The following FNDC3B variants were observed in gnomAD, a reference collection of about 807,000 sequenced individuals.
FNDC3B encodes the protein fibronectin type III domain containing 3B.
Under a neutral mutation model 151.5 loss-of-function variants are expected in FNDC3B, and 12 were observed. That is an observed-to-expected ratio of 0.08 (90% CI 0.05 to 0.13). The LOEUF (loss-of-function observed/expected upper bound fraction) is 0.13. Ranked by LOEUF, FNDC3B falls within the 10% of genes least tolerant of loss-of-function variation. The pLI is 1.00. For synonymous variants in FNDC3B, 528 were observed against 549.0 expected, an observed-to-expected ratio of 0.96 and a Z score of 0.54; for missense variants, 1,214 against 1,505.3, an observed-to-expected ratio of 0.81 and a Z score of 3.20.
Position 172,341,135 on chromosome 3 carries a change from C to T in FNDC3B, c.1875C>T (p.Tyr625=). 1.9e-6 allele frequency: 3 copies of T among 1,613,894 alleles called. No homozygotes were observed. Among genetic ancestry groups the T allele is most frequent in the Non-Finnish European group, 2.5e-6 (3 of 1,179,746 alleles). The part of the protein sequence containing the change: ...NSEANQWEVA[Y]SGSATEYTFT... Reference sequence around the variant, plus strand: ...CAGCGAATCAGTGGGAAGTGGCCTACAGTGGGTCGGCTACCGAATACACCT... The same window carrying T: ...CAGCGAATCAGTGGGAAGTGGCCTATAGTGGGTCGGCTACCGAATACACCT... The change falls in exon 17 of 26, where the codon TAC becomes TAT. Residue 625 remains tyrosine, a synonymous_variant. Transcript: ENST00000415807.
intron 1 of FNDC3B, among the ~76,000 whole-genome samples, chr3:172,063,652 C>G (rs1370700794): frequency 6.6e-6 from 1 of 152,112 alleles, no homozygotes; most frequent in Non-Finnish European, 1.5e-5. Flanking sequence ...CATTCAGATG[C>G]CATTATTTTA....
At chr3:172,082,328 T>C (rs1053072907) in intron 1 of FNDC3B, among the ~76,000 whole-genome samples, 6 of 152,222 alleles carry the variant, frequency 3.9e-5, no homozygotes, top group Non-Finnish European at 8.8e-5. Flanking sequence ...TATGGACAAA[T>C]AGTATTCCTT....
chr3:172,141,805 C>T (rs1030594774), intron 3 of FNDC3B, among the ~76,000 whole-genome samples: 5 of 152,018 alleles, frequency 3.3e-5, no homozygotes, highest in African/African-American at 9.7e-5. Flanking sequence ...GAGCTGAGAT[C>T]GTGCCATTGC....
chr3:172,269,849 G>A (rs1231832979), intron 6 of FNDC3B, among the ~76,000 whole-genome samples: 2 of 152,046 alleles, frequency 1.3e-5, no homozygotes, highest in African/African-American at 4.8e-5. Context: ...GGGTTTCACA[G>A]TGTTAGCCAG....
At chr3:172,271,151 G>A (rs1266185836) in intron 6 of FNDC3B, among the ~76,000 whole-genome samples, 1 of 152,190 alleles carries the variant, frequency 6.6e-6, no homozygotes. Flanking sequence ...TGGCAGTCTA[G>A]TATTATTTCC....
In FNDC3B at chr3:172,341,315, T is replaced by C; in HGVS notation, c.1971+84T>C. On this transcript the variant is annotated intron_variant, in intron 17 of 25. Coordinates refer to ENST00000415807, the MANE Select transcript of FNDC3B (RefSeq NM_022763.4). ...ATAACATCAGAAGCAAATTGCAGTTTAAACAATGTATCTTGGTAATGCAAC... is the reference window on the plus strand; with the variant it reads ...ATAACATCAGAAGCAAATTGCAGTTCAAACAATGTATCTTGGTAATGCAAC... 3.1e-6 allele frequency: 3 copies of C among 966,990 alleles called. No homozygotes were observed. The South Asian group carries it at 3.9e-5, about 12-fold the overall frequency. 59.9% of individuals were successfully genotyped at this position (966,990 alleles called of 1,614,324 possible).
chr3:172,286,126 G>A lies in FNDC3B; in HGVS notation c.849+142G>A, dbSNP rs537642201. 1,364 of 633,250 alleles carry A rather than the reference G, an allele frequency of 2.2e-3. 11 individuals carry two copies. Among genetic ancestry groups the A allele is most frequent in the Middle Eastern group, 0.016 (37 of 2,382 alleles). The allele number at this position is 633,250 out of a possible 1,614,324, so 39.2% of individuals were successfully genotyped here. On this transcript the variant is annotated intron_variant, in intron 7 of 25. Coordinates refer to ENST00000415807, the MANE Select transcript of FNDC3B (RefSeq NM_022763.4). ...ACTCATCAACTATGAAATAGTGTTC[G>A]GTTCAGTTATTAATGGACCATGAGA... is the stretch of plus-strand genomic sequence containing the variant.
At chr3:172,239,886 T>TG (rs1560034173) in intron 4 of FNDC3B, among the ~76,000 whole-genome samples, 1 of 108,342 alleles carries the variant, frequency 9.2e-6, no homozygotes, top group South Asian at 3.1e-4. Flanking sequence ...TTTTTTTTTT[T>TG]GGGATGGAGT....
At chr3:172,161,059 C>G (rs1722740129) in intron 3 of FNDC3B, among the ~76,000 whole-genome samples, 1 of 152,134 alleles carries the variant, frequency 6.6e-6, no homozygotes, top group Admixed American at 6.5e-5. Flanking sequence ...TTATTTTTGT[C>G]AGTGACTATT....
At chr3:172,302,461 T>C (rs970357472) in intron 9 of FNDC3B, 8 of 152,260 alleles carry the variant, frequency 5.3e-5, no homozygotes, top group South Asian at 2.1e-4. Flanking sequence ...TTGAGCCAGA[T>C]TCCACATGGA....
At chr3:172,072,127 T>G (rs1717810451) in intron 1 of FNDC3B, among the ~76,000 whole-genome samples, 1 of 149,304 alleles carries the variant, frequency 6.7e-6, no homozygotes, top group Non-Finnish European at 1.5e-5. Context: ...GTTGAAATTA[T>G]GGAAATACCC....
intron 6 of FNDC3B, among the ~76,000 whole-genome samples, chr3:172,253,225 A>G (rs4243401): frequency 0.12 from 18,811 of 152,294 alleles, 1,403 homozygotes; most frequent in East Asian, 0.31. Flanking sequence ...AAATGTAAGC[A>G]TTAAGGAGCC....
intron 25 of FNDC3B, among the ~76,000 whole-genome samples, chr3:172,385,555 C>T (rs1282461233): frequency 1.3e-5 from 2 of 150,340 alleles, no homozygotes; most frequent in African/African-American, 2.5e-5. Flanking sequence ...TCCCCCAAGA[C>T]CTTTTTTCTT....
At chr3:172,317,773 T>C (rs1392039478) in intron 11 of FNDC3B, among the ~76,000 whole-genome samples, 1 of 152,272 alleles carries the variant, frequency 6.6e-6, no homozygotes, top group Non-Finnish European at 1.5e-5. Context: ...ATAAGGAATA[T>C]GACATTCTTC....
At chr3:172,304,896 GA>G (rs1243755769) in intron 9 of FNDC3B, among the ~76,000 whole-genome samples, 953 of 85,536 alleles carry the variant, frequency 0.011, 6 homozygotes, top group South Asian at 0.034. Context: ...GACTTCATCT[GA>G]AAAAAAAAAA....
At chr3:172,115,416 A>G (rs949663972) in intron 2 of FNDC3B, among the ~76,000 whole-genome samples, 5 of 152,100 alleles carry the variant, frequency 3.3e-5, no homozygotes, top group Non-Finnish European at 7.4e-5. Context: ...AGGATCCCAG[A>G]GTGTGGGGCT....
At chr3:172,216,233 A>C (rs934654600) in intron 3 of FNDC3B, among the ~76,000 whole-genome samples, 25 of 152,160 alleles carry the variant, frequency 1.6e-4, no homozygotes, top group African/African-American at 5.8e-4. Context: ...ATTGAGTTGC[A>C]TTTGTATAAT....
At position 172,219,179 on chromosome 3, in the gene FNDC3B, A is replaced by C. The variant is rs116787547; in HGVS notation, c.188-7692A>C. ...ATTACTAACGTTTCCACAAGATAGTAATCTTTTTAAATCTTGTAAAATTTA... is the reference window on the plus strand; with the variant it reads ...ATTACTAACGTTTCCACAAGATAGTCATCTTTTTAAATCTTGTAAAATTTA... On this transcript the variant is annotated intron_variant, in intron 3 of 25. Transcript: ENST00000415807. 2.2e-3 allele frequency among the ~76,000 whole-genome samples: 331 copies of C among 152,312 alleles called. 1 individual carries two copies. Among genetic ancestry groups the C allele is most frequent in the African/African-American group, 7.5e-3 (313 of 41,550 alleles).
intron 6 of FNDC3B, among the ~76,000 whole-genome samples, chr3:172,280,991 T>C (rs1327458939): frequency 2.0e-5 from 3 of 152,002 alleles, no homozygotes; most frequent in Admixed American, 6.6e-5. Context: ...GTAGGAGATT[T>C]GTTTTTAGGG....
Sources: allele counts gnomAD v4.1 joint callset (sites outside exome capture counted in the v4.1 genomes callset), GRCh38; gene constraint gnomAD v4.1.1; transcripts MANE v1.5; gene names NCBI Gene and HGNC (gene_info 2026-07-23, HGNC 2026-07-21).